NRG3: variants seen among roughly 807,000 people sequenced by gnomAD.
NRG3 encodes pro-neuregulin-3, membrane-bound isoform.
NRG3 carries 31 observed loss-of-function variants against 66.9 expected under a neutral mutation model. The observed-to-expected ratio is 0.46, with a 90% CI of 0.35 to 0.63. NRG3 has a LOEUF of 0.63. NRG3 is among the 20% of genes least tolerant of loss of function. NRG3 has a pLI of 0.00. For synonymous variants in NRG3, 393 were observed against 359.4 expected (o/e 1.09, Z -1.06); for missense variants, 910 against 878.9 (o/e 1.04, Z -0.45).
intron 2 of NRG3, among the ~76,000 whole-genome samples, chr10:82,710,335 C>G (rs916603987): frequency 6.6e-6 from 1 of 152,128 alleles, no homozygotes; most frequent in African/African-American, 2.4e-5. Context: ...CATGTAATCA[C>G]AGCACTTTGG....
intron 1 of NRG3, among the ~76,000 whole-genome samples, chr10:81,956,977 GC>G (rs1233368904): frequency 1.3e-5 from 2 of 152,172 alleles, no homozygotes; most frequent in African/African-American, 4.8e-5. Flanking sequence ...CAGAATACAT[GC>G]CTGTCTTCCA....
intron 1 of NRG3, among the ~76,000 whole-genome samples, chr10:82,027,719 T>G (rs920810297): frequency 1.3e-5 from 2 of 152,128 alleles, no homozygotes; most frequent in Admixed American, 1.3e-4. Flanking sequence ...AATGACACAC[T>G]GCTTTGGAGC....
chr10:82,005,361 A>ATTT (rs2061341400), intron 1 of NRG3, among the ~76,000 whole-genome samples: 1 of 152,204 alleles, frequency 6.6e-6, no homozygotes, highest in Non-Finnish European at 1.5e-5. Context: ...ATATATTAAC[A>ATTT]TTTTTTAACC....
chr10:82,028,813 A>G (rs1352717143), intron 1 of NRG3, among the ~76,000 whole-genome samples: 1 of 152,134 alleles, frequency 6.6e-6, no homozygotes, highest in Non-Finnish European at 1.5e-5. Context: ...ACTAAGAAAT[A>G]TGCTCACCCC....
At chr10:82,262,397 TTGACATTTTGTATCTAG>T (rs1313265436) in intron 1 of NRG3, among the ~76,000 whole-genome samples, 1 of 152,198 alleles carries the variant, frequency 6.6e-6, no homozygotes, top group Non-Finnish European at 1.5e-5. Flanking sequence ...ATCATTCTGT[TTGACATTTTGTATCTAG>T]AGAGATTTAG....
intron 2 of NRG3, among the ~76,000 whole-genome samples, chr10:82,570,253 C>T (rs995602349): frequency 1.3e-5 from 2 of 151,652 alleles, no homozygotes; most frequent in African/African-American, 2.4e-5. Context: ...AATTCCTTAA[C>T]CTGGCCTTAA....
At chr10:81,909,079 G>A (rs1844867369) in intron 1 of NRG3, among the ~76,000 whole-genome samples, 1 of 152,190 alleles carries the variant, frequency 6.6e-6, no homozygotes, top group South Asian at 2.1e-4. Context: ...TCCCTCTGAA[G>A]GCTCTAGGGA....
At chr10:82,742,295 C>T (rs2058460029) in intron 3 of NRG3, among the ~76,000 whole-genome samples, 1 of 152,012 alleles carries the variant, frequency 6.6e-6, no homozygotes, top group African/African-American at 2.4e-5. Flanking sequence ...GAAAATGGTG[C>T]AAGGATGTCA....
At chr10:82,247,461 T>G (rs2134061592) in intron 1 of NRG3, among the ~76,000 whole-genome samples, 1 of 151,922 alleles carries the variant, frequency 6.6e-6, no homozygotes, top group Admixed American at 6.5e-5. Context: ...TATGAACTAT[T>G]ACTGATGACG....
chr10:82,768,233 G>C (rs2059589719), intron 3 of NRG3, among the ~76,000 whole-genome samples: 1 of 152,070 alleles, frequency 6.6e-6, no homozygotes, highest in Non-Finnish European at 1.5e-5. Context: ...ACGTGTACTA[G>C]GCACGTTTTT....
At chr10:81,899,313 G>A (rs1405665965) in intron 1 of NRG3, among the ~76,000 whole-genome samples, 1 of 152,212 alleles carries the variant, frequency 6.6e-6, no homozygotes, top group Admixed American at 6.5e-5. Context: ...TTTATCCCAT[G>A]GAAGTGCTAC....
chr10:82,833,979 C>G (rs1360167876), intron 3 of NRG3, among the ~76,000 whole-genome samples: 3 of 152,144 alleles, frequency 2.0e-5, no homozygotes, highest in Non-Finnish European at 4.4e-5. Flanking sequence ...AATTACTTTG[C>G]CTGTTCCTTT....
chr10:82,659,028 A>C (rs892651304), intron 2 of NRG3, among the ~76,000 whole-genome samples: 1 of 152,206 alleles, frequency 6.6e-6, no homozygotes, highest in Non-Finnish European at 1.5e-5. Context: ...TTCAAACATT[A>C]ATGGCTTGTT....
chr10:82,539,714 A>G (rs1029444043), intron 2 of NRG3, among the ~76,000 whole-genome samples: 2 of 151,562 alleles, frequency 1.3e-5, no homozygotes, highest in African/African-American at 4.9e-5. Context: ...TCTCATTGCA[A>G]CCTCCACCTC....
intron 4 of NRG3, among the ~76,000 whole-genome samples, chr10:82,897,517 T>C (rs1487480333): frequency 6.6e-6 from 1 of 152,154 alleles, no homozygotes; most frequent in East Asian, 1.9e-4. Context: ...TAACATGTCT[T>C]TTTTGTTTTG....
chr10:82,549,699 A>G (rs1006479440), intron 2 of NRG3, among the ~76,000 whole-genome samples: 5 of 152,122 alleles, frequency 3.3e-5, no homozygotes, highest in African/African-American at 1.2e-4. Flanking sequence ...CAGGGCCCGG[A>G]GGGGATTCCT....
intron 1 of NRG3, among the ~76,000 whole-genome samples, chr10:82,216,380 A>G (rs2075676534): frequency 2.0e-5 from 3 of 151,982 alleles, no homozygotes; most frequent in Admixed American, 6.6e-5. Context: ...TTGCAATTTG[A>G]TATATACTCT....
chr10:82,847,010 G>A (rs532690506), intron 3 of NRG3, among the ~76,000 whole-genome samples: 1 of 152,104 alleles, frequency 6.6e-6, no homozygotes, highest in African/African-American at 2.4e-5. Flanking sequence ...TAGGAGTCTG[G>A]GGCTGTTACA....
intron 1 of NRG3, among the ~76,000 whole-genome samples, chr10:82,192,746 G>A (rs951515129): frequency 1.3e-5 from 2 of 152,134 alleles, no homozygotes; most frequent in African/African-American, 4.8e-5. Flanking sequence ...GAGGCATGAA[G>A]CTTAAAATCT....
Sources: gnomAD v4.1 joint callset for allele counts (sites outside exome capture counted in the v4.1 genomes callset) on GRCh38, gnomAD v4.1.1 for gene constraint, MANE v1.5 for transcripts, NCBI Gene and HGNC (gene_info 2026-07-23, HGNC 2026-07-21) for gene names.